Variants in RARB observed in about 807,000 individuals in gnomAD.
RARB encodes the protein HBV-activated protein.
In RARB, 17 loss-of-function variants were observed where a neutral mutation model predicts 51.9. The observed-to-expected ratio is 0.33, with a 90% confidence interval of 0.22 to 0.49. The LOEUF is 0.49. Ranked by LOEUF, RARB falls within the 20% of genes least tolerant of loss-of-function variation. The pLI is 0.99. For synonymous variants in RARB, 215 were observed against 195.4 expected (o/e 1.10, Z -0.84); for missense variants, 369 against 550.8 (o/e 0.67, Z 3.30).
At chr3:25,064,428 C>A (rs1371143996) in intron 3 of RARB, among the ~76,000 whole-genome samples, 1 of 152,024 alleles carries the variant, frequency 6.6e-6, no homozygotes, top group Non-Finnish European at 1.5e-5. Flanking sequence ...TCAAAAATAG[C>A]ATTTTTAAAT....
intron 2 of RARB, among the ~76,000 whole-genome samples, chr3:24,889,240 T>G (rs1340852540): frequency 6.6e-6 from 1 of 152,152 alleles, no homozygotes; most frequent in Non-Finnish European, 1.5e-5. Context: ...AATTATCACC[T>G]TTTGCAGTAG....
intron 3 of RARB, among the ~76,000 whole-genome samples, chr3:25,073,313 T>C (rs894715905): frequency 5.3e-5 from 8 of 152,218 alleles, no homozygotes; most frequent in Non-Finnish European, 1.2e-4. Context: ...CCACCTTTCT[T>C]TCCCTTAATG....
chr3:25,464,341 T>G (rs1368978317), intron 2 of RARB, among the ~76,000 whole-genome samples: 3 of 152,162 alleles, frequency 2.0e-5, no homozygotes, highest in Non-Finnish European at 2.9e-5. Context: ...GACTCCTTTT[T>G]AGGAAAAACC....
chr3:24,999,701 C>T (rs759316773), intron 2 of RARB, among the ~76,000 whole-genome samples: 1 of 152,152 alleles, frequency 6.6e-6, no homozygotes. Flanking sequence ...CTTACACTTG[C>T]TTCAGCACAA....
chr3:25,308,292 G>A (rs1223150689), intron 5 of RARB, among the ~76,000 whole-genome samples: 2 of 152,088 alleles, frequency 1.3e-5, no homozygotes, highest in East Asian at 1.9e-4. Context: ...ACTCTTCCTG[G>A]TAGCAAGTAC....
At chr3:24,956,555 G>T (rs1696018627) in intron 2 of RARB, among the ~76,000 whole-genome samples, 1 of 152,138 alleles carries the variant, frequency 6.6e-6, no homozygotes. Flanking sequence ...GTCTCAAGCT[G>T]TGTGTCTCTT....
At chr3:24,878,549 G>C (rs953092742) in intron 2 of RARB, among the ~76,000 whole-genome samples, 1 of 152,068 alleles carries the variant, frequency 6.6e-6, no homozygotes, top group Non-Finnish European at 1.5e-5. Flanking sequence ...CTCAACATTG[G>C]CATTGACATT....
chr3:25,026,778 A>G (rs1001719237), intron 2 of RARB, among the ~76,000 whole-genome samples: 1 of 152,188 alleles, frequency 6.6e-6, no homozygotes, highest in Non-Finnish European at 1.5e-5. Context: ...TTTGTGGTAT[A>G]AATACTCCCA....
In RARB at chr3:25,082,270, G is replaced by C. The variant is rs1699022424; in HGVS notation, c.-328+22094G>C. 2.0e-5 allele frequency among the ~76,000 whole-genome samples: 3 copies of C among 151,942 alleles called. No homozygotes were observed. In the South Asian group the frequency reaches 6.2e-4, roughly 31 times the overall value. The stretch of plus-strand genomic sequence containing the variant: ...CTGTTTATATGTTATATTTATATAA[G>C]TTGGGTTTATGTATACTATTTTGCT... On this transcript the variant is annotated intron_variant, in intron 3 of 11. Coordinates refer to the RARB transcript ENST00000383772.
intron 1 of RARB, among the ~76,000 whole-genome samples, chr3:24,851,150 C>G (rs1224008051): frequency 6.6e-6 from 1 of 152,030 alleles, no homozygotes; most frequent in Non-Finnish European, 1.5e-5. Flanking sequence ...GAGGTTGTGG[C>G]CAGGCCTGGT....
At chr3:25,434,280 G>A (rs1005563635) in intron 1 of RARB, among the ~76,000 whole-genome samples, 1 of 152,050 alleles carries the variant, frequency 6.6e-6, no homozygotes, top group Non-Finnish European at 1.5e-5. Context: ...AGATTTCTTT[G>A]AAGAGAACAA....
chr3:24,980,781 A>T (rs540892029), intron 2 of RARB, among the ~76,000 whole-genome samples: 1 of 152,246 alleles, frequency 6.6e-6, no homozygotes, highest in Admixed American at 6.5e-5. Flanking sequence ...CGTCAAACTC[A>T]TTCTCTGTCC....
At chr3:25,284,631 G>T (rs1381979063) in intron 5 of RARB, among the ~76,000 whole-genome samples, 1 of 152,126 alleles carries the variant, frequency 6.6e-6, no homozygotes, top group Non-Finnish European at 1.5e-5. Flanking sequence ...CAAGGTGAAA[G>T]GTAGGGAAAG....
intron 5 of RARB, among the ~76,000 whole-genome samples, chr3:25,210,529 C>CTTTTTTT (rs773846113): frequency 2.5e-4 from 7 of 27,634 alleles, no homozygotes; most frequent in Admixed American, 1.2e-3. Flanking sequence ...TTATCTGATT[C>CTTTTTTT]TTTTTTTTTT....
intron 5 of RARB, among the ~76,000 whole-genome samples, chr3:25,394,574 G>A (rs1054475050): frequency 6.6e-6 from 1 of 151,974 alleles, no homozygotes; most frequent in Non-Finnish European, 1.5e-5. Flanking sequence ...TATAAACTTG[G>A]GAGCTCCAGT....
intron 5 of RARB, among the ~76,000 whole-genome samples, chr3:25,353,710 C>T (rs919443556): frequency 7.2e-5 from 11 of 151,922 alleles, no homozygotes; most frequent in Admixed American, 2.0e-4. Flanking sequence ...TACTTCCATA[C>T]TTCTTAACCC....
At chr3:24,940,525 A>C (rs929316810) in intron 2 of RARB, among the ~76,000 whole-genome samples, 4 of 152,224 alleles carry the variant, frequency 2.6e-5, no homozygotes, top group Non-Finnish European at 5.9e-5. Flanking sequence ...CTGGCCAAGC[A>C]ACAACTCAAA....
intron 2 of RARB, among the ~76,000 whole-genome samples, chr3:24,962,999 T>G (rs528713186): frequency 1.7e-4 from 26 of 152,182 alleles, no homozygotes; most frequent in Non-Finnish European, 3.2e-4. Flanking sequence ...TGCCTACAGA[T>G]TCCTATAATC....
chr3:25,355,410 A>C (rs143930624), intron 5 of RARB, among the ~76,000 whole-genome samples: 75 of 152,172 alleles, frequency 4.9e-4, no homozygotes, highest in African/African-American at 1.8e-3. Flanking sequence ...ATCTGATGGA[A>C]TCCTTGTATT....
Sources: allele counts gnomAD v4.1 joint callset (sites outside exome capture counted in the v4.1 genomes callset), GRCh38; gene constraint gnomAD v4.1.1; transcripts MANE v1.5; gene names NCBI Gene and HGNC (gene_info 2026-07-23, HGNC 2026-07-21).